CDADC1: variants seen among roughly 807,000 people sequenced by gnomAD.
CDADC1 encodes dCTP deaminase.
Under a neutral mutation model 54.9 loss-of-function variants are expected in CDADC1, and 39 were observed. The ratio of observed to expected loss-of-function variants is 0.71; its 90% CI spans 0.55 to 0.93. The LOEUF is 0.93. Among genes scored for constraint, CDADC1 ranks in the 40% least tolerant of loss-of-function variants. CDADC1 has a pLI of 0.00. For missense variants in CDADC1, 518 were observed against 618.8 expected (o/e 0.84, Z 1.73); for synonymous variants, 186 against 204.0 (o/e 0.91, Z 0.75).
chr13:49,267,778 A>G lies in CDADC1; in HGVS notation c.719A>G (p.Glu240Gly). Residue 240 changes from glutamate to glycine, a missense_variant, in exon 5 of 10, where the codon GAA (glutamate) becomes GGA (glycine). Transcript: ENST00000251108. ...AAACAAGAAAGAATAAAAGAATATG[A>G]AATGTTATTTTTGGTTTCAAATGAA... ...ECKQERIKEY[E>G]MLFLVSNEEM... The G allele has an allele frequency of 6.2e-7, 1 of 1,612,016 alleles. No homozygotes were observed. Among genetic ancestry groups the G allele is most frequent in the East Asian group, 2.2e-5 (1 of 44,866 alleles).
intron 6 of CDADC1, among the ~76,000 whole-genome samples, chr13:49,275,766 G>T (rs1953112460): frequency 8.2e-6 from 1 of 121,748 alleles, no homozygotes; most frequent in African/African-American, 3.1e-5. Flanking sequence ...GAGAGAGAGA[G>T]AGAGAGAGAG....
chr13:49,269,643 A>G (rs1952913880), intron 5 of CDADC1, among the ~76,000 whole-genome samples: 1 of 152,238 alleles, frequency 6.6e-6, no homozygotes, highest in Non-Finnish European at 1.5e-5. Flanking sequence ...GATAGAAAAC[A>G]TAAATGGGAA....
At position 49,264,555 on chromosome 13, in the gene CDADC1, CAAAAA is replaced by C. The variant is rs140774111; in HGVS notation, c.431-2920_431-2916del. On this transcript the variant is annotated intron_variant, in intron 4 of 9. Transcript: ENST00000251108. ...CAACATAGCGAGACCCCATCTCTAC[CAAAAA>C]AAAAAAAAAAAAAAGAGCTGGGTGT... Among the ~76,000 whole-genome samples, 246 of 103,846 alleles carry C rather than the reference CAAAAA, an allele frequency of 2.4e-3. 2 individuals are homozygous for C. Among genetic ancestry groups the C allele is most frequent in the African/African-American group, 9.1e-3 (236 of 26,008 alleles). 68.1% of individuals were successfully genotyped at this position (103,846 alleles called of 152,430 possible).
chr13:49,285,981 T>G (rs976602692), intron 8 of CDADC1, among the ~76,000 whole-genome samples: 2 of 152,080 alleles, frequency 1.3e-5, no homozygotes, highest in African/African-American at 2.4e-5. Context: ...GCCCAGCTAA[T>G]TTTTGTATTT....
Position 49,292,758 on chromosome 13 carries a change from C to T in CDADC1, c.*1001C>T, listed in dbSNP as rs1418221528. 7.8e-7 allele frequency: 1 copy of T among 1,274,552 alleles called. No homozygotes were observed. Among genetic ancestry groups the T allele is most frequent in the South Asian group, 1.3e-5 (1 of 78,232 alleles). 79.0% of individuals were successfully genotyped at this position (1,274,552 alleles called of 1,614,324 possible). The stretch of plus-strand genomic sequence containing the variant: ...GAAAATTATTCCAAAAATGAAGGTA[C>T]ATTTTCTGTTCTCTCCTAGGTTAGA... On this transcript the variant is annotated 3_prime_UTR_variant, in exon 10 of 10. Transcript: ENST00000251108.
chr13:49,249,930 T>C (rs1477003226), intron 2 of CDADC1, among the ~76,000 whole-genome samples: 1 of 152,066 alleles, frequency 6.6e-6, no homozygotes, highest in Non-Finnish European at 1.5e-5. Context: ...AAGCTTAGGG[T>C]GTTGGCATTA....
chr13:49,248,402 T>G (rs1952345922), intron 1 of CDADC1: 1 of 404,960 alleles, frequency 2.5e-6, no homozygotes. Flanking sequence ...CAAACGGCGC[T>G]TTTGCCTTGA....
intron 5 of CDADC1, among the ~76,000 whole-genome samples, chr13:49,271,396 A>T (rs1344089722): frequency 1.3e-5 from 2 of 152,190 alleles, no homozygotes; most frequent in African/African-American, 2.4e-5. Flanking sequence ...GCTAAGGATT[A>T]TGCCTTCCTC....
At chr13:49,282,481 A>G (rs530553552) in intron 8 of CDADC1, among the ~76,000 whole-genome samples, 37 of 152,338 alleles carry the variant, frequency 2.4e-4, no homozygotes, top group African/African-American at 8.7e-4. Context: ...AAAACACTAC[A>G]AAGAAATTTT....
At chr13:49,270,452 A>C (rs891023635) in intron 5 of CDADC1, among the ~76,000 whole-genome samples, 1 of 152,158 alleles carries the variant, frequency 6.6e-6, no homozygotes, top group African/African-American at 2.4e-5. Flanking sequence ...TCCTTGGCTT[A>C]AGCAATCTTC....
At chr13:49,270,077 C>A (rs1952925198) in intron 5 of CDADC1, among the ~76,000 whole-genome samples, 1 of 152,076 alleles carries the variant, frequency 6.6e-6, no homozygotes, top group Admixed American at 6.5e-5. Context: ...AGGGAAGAAA[C>A]CATGTCTTAA....
intron 8 of CDADC1, among the ~76,000 whole-genome samples, chr13:49,285,359 T>TAGTAG (rs1953480932): frequency 1.3e-5 from 2 of 151,978 alleles, no homozygotes; most frequent in African/African-American, 4.8e-5. Context: ...TTTGTATTTT[T>TAGTAG]AGTAGAGACG....
At chr13:49,287,313 A>C (rs1953544435) in intron 9 of CDADC1, among the ~76,000 whole-genome samples, 1 of 152,232 alleles carries the variant, frequency 6.6e-6, no homozygotes, top group Non-Finnish European at 1.5e-5. Flanking sequence ...AGAAGTATAA[A>C]GGTCTTAGAA....
intron 9 of CDADC1, among the ~76,000 whole-genome samples, chr13:49,289,484 GAGTC>G: frequency 6.6e-6 from 1 of 152,242 alleles, no homozygotes; most frequent in Non-Finnish European, 1.5e-5. Flanking sequence ...TATTGTATAA[GAGTC>G]AGAGAGACAA....
chr13:49,282,671 CA>C (rs1333795224), intron 8 of CDADC1, among the ~76,000 whole-genome samples: 2 of 152,200 alleles, frequency 1.3e-5, no homozygotes, highest in African/African-American at 4.8e-5. Flanking sequence ...CAGGTTTCCC[CA>C]ACCCCTGGGT....
chr13:49,278,455 A>C lies in CDADC1; in HGVS notation c.1156A>C (p.Lys386Gln). 6.2e-7 allele frequency: 1 copy of C among 1,603,482 alleles called. No individual in the cohort carries two copies. The highest frequency in any genetic ancestry group is 8.5e-7 in the Non-Finnish European group (1 of 1,172,162). Residue 386 changes from lysine (K) to glutamine (Q), a missense_variant, in exon 7 of 10, where the codon AAA becomes CAA. Physicochemically the swap from Lys to Gln is moderately conservative, Grantham distance 53. Coordinates refer to ENST00000251108, the MANE Select transcript of CDADC1 (RefSeq NM_030911.4). Reference sequence around the variant, plus strand: ...CTTCCCACACATGGATGACAAGCAGAAAGACAGAGAAATAAGGAAATTCAG... The same window carrying C: ...CTTCCCACACATGGATGACAAGCAGCAAGACAGAGAAATAAGGAAATTCAG... Reference protein sequence around the residue: ...ADFPHMDDKQKDREIRKFRYI... With the variant: ...ADFPHMDDKQQDREIRKFRYI...
At chr13:49,258,193 G>A (rs2138201716) in intron 3 of CDADC1, among the ~76,000 whole-genome samples, 1 of 152,234 alleles carries the variant, frequency 6.6e-6, no homozygotes, top group South Asian at 2.1e-4. Flanking sequence ...ACTGAAACTT[G>A]ACTAGTTAAT....
intron 6 of CDADC1, among the ~76,000 whole-genome samples, chr13:49,276,522 A>G (rs1953138072): frequency 6.6e-6 from 1 of 152,180 alleles, no homozygotes; most frequent in Non-Finnish European, 1.5e-5. Flanking sequence ...AAACTCCTCA[A>G]GTTCACTCAT....
intron 6 of CDADC1, among the ~76,000 whole-genome samples, chr13:49,274,575 A>G (rs7490591): frequency 0.96 from 145,251 of 151,930 alleles, 69,726 homozygotes; most frequent in East Asian, 1. Context: ...GGAGGCTGAG[A>G]CAGGAGAATG....
Sources: allele counts gnomAD v4.1 joint callset (sites outside exome capture counted in the v4.1 genomes callset), GRCh38; gene constraint gnomAD v4.1.1; transcripts MANE v1.5; gene names NCBI Gene and HGNC (gene_info 2026-07-23, HGNC 2026-07-21).